IARS1: variants seen among roughly 807,000 people sequenced by gnomAD.
IARS1 encodes isoleucyl-tRNA synthetase 1.
A neutral mutation model predicts 168.2 loss-of-function variants in IARS1; 124 were observed. The observed-to-expected ratio is 0.74, with a 90% CI of 0.64 to 0.86. The LOEUF is 0.86. Ranked by LOEUF, IARS1 falls within the 40% of genes least tolerant of loss-of-function variation. The pLI is 0.00. For synonymous variants in IARS1, 532 were observed against 529.4 expected, an observed-to-expected ratio of 1.00 and a Z score of -0.07; for missense variants, 1,452 against 1,515.8, an observed-to-expected ratio of 0.96 and a Z score of 0.70.
intron 14 of IARS1, among the ~76,000 whole-genome samples, chr9:92,266,950 G>A (rs531552416): frequency 4.0e-4 from 61 of 152,226 alleles, no homozygotes; most frequent in African/African-American, 1.4e-3. Context: ...ACTAAAACAG[G>A]AAGTATTTGA....
rs1407210662 is a variant in IARS1 at position 92,265,479 on chromosome 9, CCT to C, written c.1504_1505del (p.Ser502CysfsTer2). The C allele has an allele frequency of 6.2e-7, 1 of 1,612,994 alleles. No homozygotes were observed. ...AGTGAATCGAACATTTAGAAACTGA[CCT>C]CTCTCTGTGGAGATCTGAGATCTTT... The part of the protein sequence containing the change: ...GAKISDLHRE[S>X]VDHLTIPSRC... On this transcript the variant is annotated frameshift_variant and splice_region_variant, in exon 15 of 34. Transcript: ENST00000443024. LOFTEE classifies it high-confidence loss of function.
intron 30 of IARS1, among the ~76,000 whole-genome samples, chr9:92,239,051 G>C (rs942876384): frequency 2.6e-5 from 4 of 152,192 alleles, no homozygotes; most frequent in African/African-American, 7.2e-5. Context: ...TATACACAGA[G>C]AACCACATCG....
chr9:92,238,615 T>G (rs775082722), intron 30 of IARS1, among the ~76,000 whole-genome samples: 1 of 152,192 alleles, frequency 6.6e-6, no homozygotes, highest in African/African-American at 2.4e-5. Flanking sequence ...CTAGCCAGCC[T>G]CAGGTATTCC....
chr9:92,290,169 C>T (rs1313611648), intron 1 of IARS1, among the ~76,000 whole-genome samples: 3 of 152,146 alleles, frequency 2.0e-5, no homozygotes, highest in Non-Finnish European at 4.4e-5. Context: ...TTTACATTCC[C>T]TCAGCAGTGA....
chr9:92,223,244 G>T, intron 32 of IARS1, 102 bp downstream of exon 32: 1 of 1,125,350 alleles, frequency 8.9e-7, no homozygotes, highest in Non-Finnish European at 1.2e-6. Context: ...ACACTTTAAA[G>T]CAATACTTTG....
At chr9:92,261,931 T>C (rs908404618) in intron 17 of IARS1, among the ~76,000 whole-genome samples, 5 of 152,052 alleles carry the variant, frequency 3.3e-5, no homozygotes, top group Non-Finnish European at 1.5e-5. Flanking sequence ...GTATTTTTAG[T>C]AGAGACGGGG....
chr9:92,237,524 C>T lies in IARS1; in HGVS notation c.3283+3332G>A, dbSNP rs187140635. Among the ~76,000 whole-genome samples, 57 of 149,482 alleles carry T rather than the reference C, an allele frequency of 3.8e-4. No homozygotes were observed. The East Asian group carries it at 5.1e-3, about 13-fold the overall frequency. The stretch of plus-strand genomic sequence containing the variant: ...GCTATTTTTGGCTGAGGTGTTCTAA[C>T]TGGTCTATTGATTACTGAAAAAGGT... On this transcript the variant is annotated intron_variant, in intron 30 of 33. Transcript: ENST00000443024.
intron 27 of IARS1, among the ~76,000 whole-genome samples, chr9:92,244,226 TC>T (rs1166657190): frequency 1.3e-5 from 2 of 152,170 alleles, no homozygotes; most frequent in Non-Finnish European, 2.9e-5. Context: ...AGAAACCTCC[TC>T]CCTGCCTTCT....
intron 33 of IARS1, among the ~76,000 whole-genome samples, chr9:92,219,524 C>G (rs1839325921): frequency 6.7e-6 from 1 of 150,338 alleles, no homozygotes; most frequent in Non-Finnish European, 1.5e-5. Flanking sequence ...ACTCATCTGA[C>G]AAAGGGCTAA....
chr9:92,235,034 A>T (rs2133540090), intron 30 of IARS1, among the ~76,000 whole-genome samples: 1 of 152,008 alleles, frequency 6.6e-6, no homozygotes, highest in African/African-American at 2.4e-5. Context: ...ACAGGGTTTC[A>T]CCATGTTGGC....
intron 15 of IARS1, 53 bp from the exon 16 acceptor site, chr9:92,265,176 G>A: frequency 2.1e-6 from 3 of 1,455,698 alleles, no homozygotes; most frequent in Non-Finnish European, 2.8e-6. Context: ...AACAGAACTT[G>A]CAGTTTAATT....
At chr9:92,279,737 A>G (rs1834268895) in intron 7 of IARS1, among the ~76,000 whole-genome samples, 1 of 152,280 alleles carries the variant, frequency 6.6e-6, no homozygotes, top group East Asian at 1.9e-4. Context: ...TACCATTATC[A>G]ATACCCTAAA....
chr9:92,215,452 C>T (rs1008901921), intron 33 of IARS1, among the ~76,000 whole-genome samples: 4 of 152,146 alleles, frequency 2.6e-5, no homozygotes, highest in Non-Finnish European at 5.9e-5. Flanking sequence ...GAGAAGAGGG[C>T]TTCAGACGAT....
intron 22 of IARS1, among the ~76,000 whole-genome samples, chr9:92,251,319 A>G (rs1008807708): frequency 6.6e-6 from 1 of 152,230 alleles, no homozygotes; most frequent in African/African-American, 2.4e-5. Flanking sequence ...AAAAAGAATT[A>G]AAGTTGGAGC....
At chr9:92,277,985 A>ATAT in intron 8 of IARS1, 62 bp from the exon 9 acceptor site, 1 of 1,483,134 alleles carries the variant, frequency 6.7e-7, no homozygotes, top group Non-Finnish European at 9.4e-7. Flanking sequence ...CTGCAGCCAC[A>ATAT]TCAAGCTACC....
At chr9:92,234,235 A>T (rs1827149131) in intron 30 of IARS1, among the ~76,000 whole-genome samples, 1 of 152,214 alleles carries the variant, frequency 6.6e-6, no homozygotes, top group Non-Finnish European at 1.5e-5. Flanking sequence ...TTTCTATTCA[A>T]TTACTTTGGA....
At chr9:92,245,216 T>C in intron 26 of IARS1, 145 bp from the exon 27 acceptor site, 1 of 656,260 alleles carries the variant, frequency 1.5e-6, no homozygotes, top group Non-Finnish European at 2.7e-6. Context: ...CTGACTCATG[T>C]CATGGTTGTA....
intron 1 of IARS1, chr9:92,293,335 A>C: frequency 3.1e-6 from 1 of 322,102 alleles, no homozygotes; most frequent in South Asian, 2.8e-5. Flanking sequence ...GAAGGTAATA[A>C]ATTAAGACAT....
chr9:92,293,654 CCTA>C lies in IARS1; in HGVS notation c.-54_-52del. The stretch of plus-strand genomic sequence containing the variant: ...CTGGACAGCCCCGCGGGCCAGCAAG[CCTA>C]AAAGCAACTCATCCGGCGTCCACGC... On this transcript the variant is annotated 5_prime_UTR_variant, in exon 1 of 34. An upstream open reading frame in the 5' UTR loses its in-frame stop. Coordinates refer to ENST00000443024, the MANE Select transcript of IARS1 (RefSeq NM_002161.6). The C allele has an allele frequency of 7.0e-6, 2 of 287,380 alleles. No homozygotes were observed. Among genetic ancestry groups the C allele is most frequent in the South Asian group, 6.5e-5 (2 of 30,732 alleles). 17.8% of individuals were successfully genotyped at this position (287,380 alleles called of 1,614,324 possible). A position where few individuals can be genotyped will look rare whatever the true frequency, so the allele number is the denominator to read the frequency against.
Sources: gnomAD v4.1 joint callset for allele counts (sites outside exome capture counted in the v4.1 genomes callset) on GRCh38, gnomAD v4.1.1 for gene constraint, MANE v1.5 for transcripts, NCBI Gene and HGNC (gene_info 2026-07-23, HGNC 2026-07-21) for gene names.